CLNK: variants seen among roughly 807,000 people sequenced by gnomAD.
CLNK encodes cytokine-dependent hematopoietic cell linker.
In CLNK, 74 loss-of-function variants were observed where a neutral mutation model predicts 68.6. That is an observed-to-expected ratio of 1.08 (90% CI 0.89 to 1.31). The LOEUF (loss-of-function observed/expected upper bound fraction) is 1.31, where lower values mean the gene tolerates loss of function less well. Ranked by LOEUF, CLNK falls within the 50% of genes most tolerant of loss-of-function variation. The pLI is 0.00. For missense variants in CLNK, 553 were observed against 515.3 expected (o/e 1.07, Z -0.71); for synonymous variants, 198 against 172.2 (o/e 1.15, Z -1.17).
In CLNK at chr4:10,507,406, C is replaced by T. The variant is rs537230622; in HGVS notation, c.984+553G>A. On this transcript the variant is annotated intron_variant, in intron 17 of 18. Transcript: ENST00000226951. ...GATTACAGGCGTGAACTGCCGCATC[C>T]GGTCCTCTCCATGTTTTTTTGTTTT... Among the ~76,000 whole-genome samples, 17 of 151,752 alleles carry T rather than the reference C, an allele frequency of 1.1e-4. No homozygotes were observed. The Middle Eastern group carries it at 0.014, about 121-fold the overall frequency.
At chr4:10,575,894 T>C (rs575500515) in intron 4 of CLNK, among the ~76,000 whole-genome samples, 1 of 152,322 alleles carries the variant, frequency 6.6e-6, no homozygotes, top group South Asian at 2.1e-4. Context: ...TAGGTGGTAG[T>C]CCTCCCTGAT....
At chr4:10,499,541 C>T (rs1377113200) in intron 18 of CLNK, among the ~76,000 whole-genome samples, 1 of 152,322 alleles carries the variant, frequency 6.6e-6, no homozygotes, top group Non-Finnish European at 1.5e-5. Context: ...CGATTTCACA[C>T]GTGTGCCTAC....
chr4:10,529,953 T>C (rs1349423801), intron 12 of CLNK, among the ~76,000 whole-genome samples: 1 of 152,206 alleles, frequency 6.6e-6, no homozygotes, highest in African/African-American at 2.4e-5. Flanking sequence ...TAAATAGTAG[T>C]ATCTCTTTTA....
At position 10,632,433 on chromosome 4, in the gene CLNK, C is replaced by A. The variant is rs73100286; in HGVS notation, c.12-34384G>T. On this transcript the variant is annotated intron_variant, in intron 2 of 18. Transcript: ENST00000226951. ...GGAGGGACTTCTAATTCTGCCCAGGCAACATGCACAGTATCCCACGCATAT... is the reference window on the plus strand; with the variant it reads ...GGAGGGACTTCTAATTCTGCCCAGGAAACATGCACAGTATCCCACGCATAT... 1.0e-2 allele frequency among the ~76,000 whole-genome samples: 1,522 copies of A among 152,362 alleles called. 29 individuals carry two copies. The highest frequency in any genetic ancestry group is 0.033 in the African/African-American group (1,386 of 41,574).
chr4:10,602,833 A>G (rs988867180), intron 2 of CLNK, among the ~76,000 whole-genome samples: 2 of 152,228 alleles, frequency 1.3e-5, no homozygotes, highest in Non-Finnish European at 2.9e-5. Context: ...AAAAACGAGG[A>G]AGAAGCTGGT....
the CLNK span, among the ~76,000 whole-genome samples, chr4:10,730,211 G>T: frequency 1.3e-5 from 2 of 152,142 alleles, no homozygotes; most frequent in Non-Finnish European, 2.9e-5. Context: ...GCTCATCACT[G>T]CACCATTGAA....
chr4:10,703,912 C>G, the CLNK span, among the ~76,000 whole-genome samples: 1 of 152,302 alleles, frequency 6.6e-6, no homozygotes, highest in South Asian at 2.1e-4. Context: ...ACCAAAATGT[C>G]ATGTGGTGCA....
chr4:10,588,671 C>G (rs1721072639), intron 3 of CLNK, among the ~76,000 whole-genome samples: 1 of 152,142 alleles, frequency 6.6e-6, no homozygotes, highest in African/African-American at 2.4e-5. Context: ...TTACAAAAAG[C>G]TGTACATAGT....
chr4:10,520,350 G>T (rs933298045), intron 15 of CLNK, among the ~76,000 whole-genome samples: 3 of 152,136 alleles, frequency 2.0e-5, no homozygotes, highest in Non-Finnish European at 2.9e-5. Flanking sequence ...TGCACCCAAT[G>T]GATTGGGAAA....
chr4:10,571,840 G>A, intron 4 of CLNK, 62 bp from the exon 5 acceptor site: 2 of 1,286,946 alleles, frequency 1.6e-6, no homozygotes, highest in Non-Finnish European at 2.2e-6. Context: ...ACATCAAAAA[G>A]ACTGGGCCCT....
At position 10,519,163 on chromosome 4, in the gene CLNK, T is replaced by A. The variant is rs1717959389; in HGVS notation, c.772+1628A>T. On this transcript the variant is annotated intron_variant, in intron 15 of 18. Coordinates refer to ENST00000226951, the MANE Select transcript of CLNK (RefSeq NM_052964.4). ...GGCTTCTTTCAGCAACCTTGTTTCC[T>A]CTGAGATGAAGTGAGATGAGCTGAG... Among the ~76,000 whole-genome samples the A allele has an allele frequency of 2.6e-5, 4 of 152,308 alleles. No homozygotes were observed. In the South Asian group the frequency reaches 8.3e-4, roughly 32 times the overall value.
chr4:10,651,788 G>A (rs914366349), intron 2 of CLNK, among the ~76,000 whole-genome samples: 50 of 152,116 alleles, frequency 3.3e-4, no homozygotes, highest in Middle Eastern at 3.4e-3. Flanking sequence ...AGTGTTGAAA[G>A]TTCCATTATT....
intron 1 of CLNK, among the ~76,000 whole-genome samples, chr4:10,676,393 C>CTTTTTT (rs33954033): frequency 2.4e-4 from 32 of 134,366 alleles, no homozygotes; most frequent in South Asian, 7.2e-4. Flanking sequence ...TTATAGATTT[C>CTTTTTT]TTTTTTTTTT....
the CLNK span, among the ~76,000 whole-genome samples, chr4:10,698,010 T>G: frequency 6.6e-6 from 1 of 152,218 alleles, no homozygotes; most frequent in Admixed American, 6.5e-5. Context: ...CTGACCGTTT[T>G]GTGTTAATTT....
chr4:10,717,759 T>G, the CLNK span, among the ~76,000 whole-genome samples: 2 of 152,100 alleles, frequency 1.3e-5, no homozygotes, highest in African/African-American at 4.8e-5. Context: ...AACACGAAGT[T>G]TAAGTAAAAT....
intron 2 of CLNK, among the ~76,000 whole-genome samples, chr4:10,658,474 G>T (rs886126932): frequency 2.0e-5 from 3 of 152,164 alleles, no homozygotes; most frequent in Non-Finnish European, 4.4e-5. Flanking sequence ...CAGCTGGGGG[G>T]TTTCCTCTAG....
intron 15 of CLNK, among the ~76,000 whole-genome samples, chr4:10,514,785 A>C (rs866731363): frequency 6.6e-6 from 1 of 151,780 alleles, no homozygotes; most frequent in East Asian, 1.9e-4. Flanking sequence ...TCTGCACAGC[A>C]AAAGAAACTA....
intron 2 of CLNK, among the ~76,000 whole-genome samples, chr4:10,623,179 T>C (rs1722529440): frequency 6.6e-6 from 1 of 152,172 alleles, no homozygotes; most frequent in African/African-American, 2.4e-5. Context: ...CTCCCATTAC[T>C]CAGTTGAGTC....
chr4:10,630,239 A>G (rs189863109), intron 2 of CLNK, among the ~76,000 whole-genome samples: 1 of 152,328 alleles, frequency 6.6e-6, no homozygotes, highest in Non-Finnish European at 1.5e-5. Flanking sequence ...ATTTATTTGA[A>G]CAACTTTGCC....
Sources: gnomAD v4.1 joint callset for allele counts (sites outside exome capture counted in the v4.1 genomes callset) on GRCh38, gnomAD v4.1.1 for gene constraint, MANE v1.5 for transcripts, NCBI Gene and HGNC (gene_info 2026-07-23, HGNC 2026-07-21) for gene names.